PID1: variants seen among roughly 807,000 people sequenced by gnomAD.
The protein encoded by PID1 is PTB-containing, cubilin and LRP1-interacting protein.
A neutral mutation model predicts 19.1 loss-of-function variants in PID1; 10 were observed. The ratio of observed to expected loss-of-function variants is 0.52; its 90% CI spans 0.32 to 0.89. PID1 has a LOEUF of 0.89. PID1 is among the 40% of genes least tolerant of loss of function. PID1 has a pLI of 0.03. For missense variants in PID1, 248 were observed against 285.3 expected (o/e 0.87, Z 0.94); for synonymous variants, 130 against 116.0 (o/e 1.12, Z -0.78).
intron 1 of PID1, among the ~76,000 whole-genome samples, chr2:229,211,631 C>A (rs1362240): frequency 0.16 from 24,531 of 152,168 alleles, 2,469 homozygotes; most frequent in Non-Finnish European, 0.21. Flanking sequence ...TTTTAATGTA[C>A]ATGTGTGAGC....
chr2:229,174,466 T>C (rs1018201481), intron 1 of PID1, among the ~76,000 whole-genome samples: 1 of 152,168 alleles, frequency 6.6e-6, no homozygotes, highest in African/African-American at 2.4e-5. Context: ...TTCTGACTGC[T>C]GGGATTGGGC....
At chr2:229,091,109 A>G (rs1034367293) in intron 2 of PID1, among the ~76,000 whole-genome samples, 1 of 152,222 alleles carries the variant, frequency 6.6e-6, no homozygotes, top group Non-Finnish European at 1.5e-5. Context: ...TGCATCCTAC[A>G]AAATAAAAAT....
intron 2 of PID1, among the ~76,000 whole-genome samples, chr2:229,101,795 G>C (rs1559233498): frequency 6.6e-6 from 1 of 152,156 alleles, no homozygotes; most frequent in East Asian, 1.9e-4. Flanking sequence ...CATTTGCAGA[G>C]CCTATGGTGG....
At chr2:229,221,422 C>G (rs1171612394) in intron 1 of PID1, among the ~76,000 whole-genome samples, 1 of 152,194 alleles carries the variant, frequency 6.6e-6, no homozygotes, top group African/African-American at 2.4e-5. Context: ...CCAAAGCCAC[C>G]TAAAGACTTT....
chr2:229,065,041 T>C (rs1381177934), intron 2 of PID1, among the ~76,000 whole-genome samples: 1 of 152,176 alleles, frequency 6.6e-6, no homozygotes, highest in East Asian at 1.9e-4. Context: ...TGCCAATCAC[T>C]GGCCCCATAT....
At chr2:229,259,374 C>T (rs1690398203) in intron 1 of PID1, among the ~76,000 whole-genome samples, 1 of 152,028 alleles carries the variant, frequency 6.6e-6, no homozygotes, top group African/African-American at 2.4e-5. Flanking sequence ...TTGATAAAGT[C>T]CAATTTTTTC....
At chr2:229,058,420 G>A (rs992022168) in intron 2 of PID1, among the ~76,000 whole-genome samples, 19 of 152,190 alleles carry the variant, frequency 1.2e-4, no homozygotes, top group African/African-American at 4.3e-4. Context: ...CAGCATGGAT[G>A]CTGGTTACAC....
chr2:229,209,046 G>C (rs968098080), intron 1 of PID1, among the ~76,000 whole-genome samples: 1 of 152,158 alleles, frequency 6.6e-6, no homozygotes, highest in African/African-American at 2.4e-5. Context: ...TTCTAGGCTA[G>C]AGTGGCAAAT....
intron 2 of PID1, among the ~76,000 whole-genome samples, chr2:229,111,303 C>G (rs771970890): frequency 1.3e-5 from 2 of 152,142 alleles, no homozygotes; most frequent in South Asian, 2.1e-4. Flanking sequence ...GGCATCCTGT[C>G]TGGATATTGA....
intron 2 of PID1, among the ~76,000 whole-genome samples, chr2:229,141,151 T>C (rs1421374327): frequency 2.0e-5 from 3 of 152,104 alleles, no homozygotes; most frequent in African/African-American, 7.2e-5. Context: ...TCTGTTGGCA[T>C]AGTAACTATG....
chr2:229,115,887 T>C (rs552959741), intron 2 of PID1, among the ~76,000 whole-genome samples: 135 of 152,328 alleles, frequency 8.9e-4, no homozygotes, highest in Non-Finnish European at 1.4e-3. Context: ...AATTGCTTCA[T>C]GGGTTTCATT....
At chr2:229,158,889 T>A (rs1473764675) in intron 1 of PID1, among the ~76,000 whole-genome samples, 2 of 150,918 alleles carry the variant, frequency 1.3e-5, no homozygotes, top group African/African-American at 4.9e-5. Flanking sequence ...ACAATTGAAC[T>A]CATGAGCATA....
In PID1 at chr2:229,094,951, C is replaced by T. The variant is rs564196388; in HGVS notation, c.177+60867G>A. ...TATGGGCCAAGTGCCATGCTACACA[C>T]GATACGTTACATGTATTATCCCCAC... On this transcript the variant is annotated intron_variant, in intron 2 of 2. Transcript: ENST00000392055. Among the ~76,000 whole-genome samples the T allele has an allele frequency of 2.4e-4, 36 of 152,230 alleles. No individual in the cohort carries two copies. In the South Asian group the frequency reaches 5.6e-3, roughly 24 times the overall value.
chr2:229,160,722 T>C (rs1690476023), intron 1 of PID1, among the ~76,000 whole-genome samples: 1 of 152,192 alleles, frequency 6.6e-6, no homozygotes, highest in African/African-American at 2.4e-5. Flanking sequence ...ACAGAGAAAA[T>C]GATTCCTTTA....
chr2:229,158,102 T>G (rs1281125022), intron 1 of PID1, among the ~76,000 whole-genome samples: 2 of 152,388 alleles, frequency 1.3e-5, no homozygotes, highest in East Asian at 3.9e-4. Flanking sequence ...AAGTAGGCAC[T>G]GCACAATGTA....
At chr2:229,192,145 T>G (rs1691273887) in intron 1 of PID1, among the ~76,000 whole-genome samples, 1 of 152,200 alleles carries the variant, frequency 6.6e-6, no homozygotes, top group Admixed American at 6.6e-5. Context: ...GGCAATTTAC[T>G]TTTTGCCAGT....
intron 2 of PID1, among the ~76,000 whole-genome samples, chr2:229,073,072 C>T (rs1240116880): frequency 6.6e-6 from 1 of 152,210 alleles, no homozygotes; most frequent in Non-Finnish European, 1.5e-5. Flanking sequence ...GTCACCCAGG[C>T]TGGAGTGCAG....
chr2:229,177,271 G>A (rs1467253393), intron 1 of PID1, among the ~76,000 whole-genome samples: 2 of 152,100 alleles, frequency 1.3e-5, no homozygotes, highest in African/African-American at 2.4e-5. Context: ...CGCCTCCCAA[G>A]CCCCAGTTTG....
Position 229,026,080 on chromosome 2 carries a change from G to C in PID1, c.206C>G (p.Thr69Ser), listed in dbSNP as rs530206277. Reference protein sequence around the residue: ...KVTYLGKVSTTGMQFLSGCTE... With the variant: ...KVTYLGKVSTSGMQFLSGCTE... The stretch of plus-strand genomic sequence containing the variant: ...GCAGCCTGACAAAAACTGCATGCCA[G>C]TGGTGGAGACTTTGCCCAGGTAGGT... The change falls in exon 3 of 3, where the codon ACT becomes AGT. Residue 69 changes from threonine to serine, a missense_variant. Transcript: ENST00000392055. 5.6e-6 allele frequency: 9 copies of C among 1,613,986 alleles called. No homozygotes were observed. The highest frequency in any genetic ancestry group is 2.7e-5 in the African/African-American group (2 of 74,946).
Sources: allele counts gnomAD v4.1 joint callset (sites outside exome capture counted in the v4.1 genomes callset), GRCh38; gene constraint gnomAD v4.1.1; transcripts MANE v1.5; gene names NCBI Gene and HGNC (gene_info 2026-07-23, HGNC 2026-07-21).